Variants in SQOR observed in about 807,000 individuals in gnomAD.
SQOR encodes sulfide quinone oxidoreductase.
Under a neutral mutation model 48.6 loss-of-function variants are expected in SQOR, and 39 were observed. The ratio of observed to expected loss-of-function variants is 0.80; its 90% CI spans 0.62 to 1.05. The LOEUF (loss-of-function observed/expected upper bound fraction) is 1.05. Among genes scored for constraint, SQOR ranks in the 50% least tolerant of loss-of-function variants. The probability of loss-of-function intolerance (pLI) is 0.00; values close to 1 mark genes in which losing one functional copy is unlikely to be tolerated. For synonymous variants in SQOR, 220 were observed against 206.2 expected (o/e 1.07, Z -0.57); for missense variants, 561 against 559.9 (o/e 1.00, Z -0.02).
chr15:45,647,082 C>G (rs1018492866), intron 1 of SQOR, among the ~76,000 whole-genome samples: 2 of 152,034 alleles, frequency 1.3e-5, no homozygotes, highest in East Asian at 1.9e-4. Context: ...AACTCAGTCT[C>G]TATTAAAAAT....
chr15:45,670,125 T>C (rs1889912955), intron 4 of SQOR, 144 bp downstream of exon 4: 2 of 767,020 alleles, frequency 2.6e-6, no homozygotes, highest in South Asian at 3.4e-5. Flanking sequence ...GCAGTCCTTT[T>C]ACAGTTTTAA....
chr15:45,654,451 A>G (rs566402877), intron 1 of SQOR, among the ~76,000 whole-genome samples: 1 of 152,238 alleles, frequency 6.6e-6, no homozygotes, highest in Non-Finnish European at 1.5e-5. Flanking sequence ...AATCTGGTTC[A>G]GAGGACTTTT....
At chr15:45,690,778 C>CT (rs2140966263) in intron 9 of SQOR, among the ~76,000 whole-genome samples, 195 bp from the exon 10 acceptor site, 1 of 152,332 alleles carries the variant, frequency 6.6e-6, no homozygotes, top group Admixed American at 6.5e-5. Context: ...CACAGCAAGT[C>CT]TTTGTCAAAG....
intron 3 of SQOR, among the ~76,000 whole-genome samples, chr15:45,665,752 T>A (rs56124018): frequency 0.19 from 28,580 of 152,014 alleles, 2,993 homozygotes; most frequent in East Asian, 0.42. Context: ...CCCAGCTAAT[T>A]TTTGTGTTTT....
chr15:45,643,458 G>A (rs1198693471), intron 1 of SQOR, among the ~76,000 whole-genome samples: 1 of 152,170 alleles, frequency 6.6e-6, no homozygotes, highest in African/African-American at 2.4e-5. Context: ...GCCTCCCAAA[G>A]TGTTGGGATT....
chr15:45,644,417 T>A (rs531047189), intron 1 of SQOR, among the ~76,000 whole-genome samples: 1 of 152,296 alleles, frequency 6.6e-6, no homozygotes, highest in African/African-American at 2.4e-5. Context: ...TTAGTGGATA[T>A]GTGAGGAGAA....
At chr15:45,638,608 C>T (rs1313870981) in intron 1 of SQOR, among the ~76,000 whole-genome samples, 3 of 151,900 alleles carry the variant, frequency 2.0e-5, no homozygotes, top group Non-Finnish European at 2.9e-5. Context: ...CCTGTAATTC[C>T]AACTACTCAG....
chr15:45,634,163 C>A (rs1430143722), upstream of SQOR, among the ~76,000 whole-genome samples: 1 of 106,368 alleles, frequency 9.4e-6, no homozygotes, highest in African/African-American at 3.5e-5. Flanking sequence ...CTGGGCAACA[C>A]AGTGAGACTC....
At position 45,656,456 on chromosome 15, in the gene SQOR, A is replaced by AT. The variant is rs34189540; in HGVS notation, c.-17-2437dup. Among the ~76,000 whole-genome samples, 220 of 146,746 alleles carry AT rather than the reference A, an allele frequency of 1.5e-3. 1 individual carries two copies. The highest frequency in any genetic ancestry group is 3.9e-3 in the African/African-American group (154 of 39,942). Reference sequence around the variant, plus strand: ...CTGGGTGCACCACCATGCCTGGCTAATTTTTTTTTTTTTTAAATAGAGTTG... The same window carrying AT: ...CTGGGTGCACCACCATGCCTGGCTAATTTTTTTTTTTTTTTAAATAGAGTTG... On this transcript the variant is annotated intron_variant, in intron 1 of 9. Transcript: ENST00000260324.
intron 4 of SQOR, among the ~76,000 whole-genome samples, chr15:45,673,154 TTTTAGGCACCTGGC>T (rs1889973063): frequency 6.6e-6 from 1 of 152,200 alleles, no homozygotes; most frequent in South Asian, 2.1e-4. Flanking sequence ...AAGTCCATGT[TTTTAGGCACCTGGC>T]TTTAGTGCCT....
intron 1 of SQOR, among the ~76,000 whole-genome samples, chr15:45,655,907 G>C (rs998824756): frequency 5.3e-5 from 8 of 151,404 alleles, no homozygotes; most frequent in Admixed American, 1.3e-4. Flanking sequence ...GGATGGTCTC[G>C]ATCTCCTGAC....
At chr15:45,688,948 A>G in intron 8 of SQOR, 91 bp from the exon 9 acceptor site, 1 of 1,021,788 alleles carries the variant, frequency 9.8e-7, no homozygotes, top group Non-Finnish European at 1.4e-6. Flanking sequence ...AAAAATATAT[A>G]AGCACTCACA....
intron 1 of SQOR, among the ~76,000 whole-genome samples, chr15:45,658,599 C>G (rs1162403822): frequency 6.6e-6 from 1 of 152,086 alleles, no homozygotes; most frequent in Non-Finnish European, 1.5e-5. Context: ...TACGGATGGA[C>G]AAGGATGGGT....
intron 9 of SQOR, 85 bp from the exon 10 acceptor site, chr15:45,690,888 C>T: frequency 8.6e-7 from 1 of 1,166,726 alleles, no homozygotes; most frequent in Non-Finnish European, 1.3e-6. Context: ...CTGTGAGCAG[C>T]CTGGCTTCCC....
chr15:45,666,033 G>A (rs140206735), intron 3 of SQOR, among the ~76,000 whole-genome samples: 2 of 151,624 alleles, frequency 1.3e-5, no homozygotes, highest in African/African-American at 4.9e-5. Flanking sequence ...GTGTAGACTG[G>A]TCCTTGCTCC....
chr15:45,640,360 A>G (rs1242301678), intron 1 of SQOR, among the ~76,000 whole-genome samples: 8 of 152,170 alleles, frequency 5.3e-5, no homozygotes, highest in African/African-American at 1.9e-4. Flanking sequence ...TGAAGAAAGC[A>G]TGGCCCAAAA....
chr15:45,662,816 G>T (rs921998385), intron 3 of SQOR, among the ~76,000 whole-genome samples: 2 of 152,170 alleles, frequency 1.3e-5, no homozygotes, highest in Non-Finnish European at 2.9e-5. Context: ...CAGGGCAGGG[G>T]CAGGCAGTGC....
At chr15:45,652,921 C>G (rs2458586) in intron 1 of SQOR, among the ~76,000 whole-genome samples, 51,084 of 150,500 alleles carry the variant, frequency 0.34, 9,050 homozygotes, top group East Asian at 0.5. Flanking sequence ...TGCAGTGAGT[C>G]GAGATCCAGC....
chr15:45,683,183 C>T (rs1411170871), intron 7 of SQOR, among the ~76,000 whole-genome samples: 1 of 151,708 alleles, frequency 6.6e-6, no homozygotes, highest in Non-Finnish European at 1.5e-5. Context: ...GAAGAGGGGG[C>T]CTTAGAGTGC....
Sources: gnomAD v4.1 joint callset for allele counts (sites outside exome capture counted in the v4.1 genomes callset) on GRCh38, gnomAD v4.1.1 for gene constraint, MANE v1.5 for transcripts, NCBI Gene and HGNC (gene_info 2026-07-23, HGNC 2026-07-21) for gene names.